Variants in PKD1L3 observed in about 807,000 individuals in gnomAD.
PKD1L3 encodes the protein polycystin 1 like 3, transient receptor potential channel interacting.
In PKD1L3, 239 loss-of-function variants were observed where a neutral mutation model predicts 184.1. The ratio of observed to expected loss-of-function variants is 1.30; its 90% CI spans 1.17 to 1.45. The LOEUF is 1.45. Ranked by LOEUF, PKD1L3 falls within the 40% of genes most tolerant of loss-of-function variation. The pLI, the probability that PKD1L3 is intolerant of heterozygous loss-of-function variation, is 0.00. For synonymous variants in PKD1L3, 996 were observed against 778.8 expected, an observed-to-expected ratio of 1.28 and a Z score of -4.64; for missense variants, 2,660 against 2,067.2, an observed-to-expected ratio of 1.29 and a Z score of -5.56.
Position 71,967,136 on chromosome 16 carries a change from C to T in PKD1L3, c.2465+1G>A. On this transcript the variant is annotated splice_donor_variant, in intron 15 of 29. Coordinates refer to ENST00000620267, the MANE Select transcript of PKD1L3 (RefSeq NM_181536.2). LOFTEE classifies it high-confidence loss of function. ...ACAGCCAACAGGATATAAGTACTCACCAGGAGGGACTGACGCCAGAATTGT... is the reference window on the plus strand; with the variant it reads ...ACAGCCAACAGGATATAAGTACTCATCAGGAGGGACTGACGCCAGAATTGT... 1 of 1,551,378 alleles carries T rather than the reference C, an allele frequency of 6.4e-7. No homozygotes were observed. The highest frequency in any genetic ancestry group is 8.7e-7 in the Non-Finnish European group (1 of 1,146,742).
chr16:71,938,144 C>A (rs2038242234), intron 24 of PKD1L3, among the ~76,000 whole-genome samples: 1 of 152,136 alleles, frequency 6.6e-6, no homozygotes, highest in African/African-American at 2.4e-5. Flanking sequence ...GCTCAGGAAA[C>A]CCCCCTGCCC....
chr16:71,957,733 G>C (rs2039102018), intron 16 of PKD1L3, among the ~76,000 whole-genome samples: 1 of 152,176 alleles, frequency 6.6e-6, no homozygotes, highest in Middle Eastern at 3.2e-3. Context: ...GGAGGTTGCA[G>C]TGAGCCAAGA....
rs113537540 is a variant in PKD1L3 at position 71,984,124 on chromosome 16, C to T, written c.878G>A (p.Gly293Asp). ...IAGNFSRAVH[G>D]LQALNKLQEA... is the part of the protein sequence containing the mutation. The stretch of plus-strand genomic sequence containing the variant: ...CTGTAGTTTGTTAAGAGCTTGCAAA[C>T]CATGAACTGCTCTGCTGAAGTTCCC... Residue 293 changes from glycine (G) to aspartate (D), a missense_variant, in exon 6 of 30, where the codon GGT becomes GAT. Physicochemically the swap from Gly to Asp is moderately conservative, Grantham distance 94 (BLOSUM62 -1). Coordinates refer to ENST00000620267, the MANE Select transcript of PKD1L3 (RefSeq NM_181536.2). 344 of 1,551,964 alleles carry T rather than the reference C, an allele frequency of 2.2e-4. 7 individuals carry two copies. The African/African-American group carries it at 2.4e-3, about 11-fold the overall frequency.
intron 19 of PKD1L3, among the ~76,000 whole-genome samples, chr16:71,951,075 T>C (rs1161080405): frequency 6.7e-6 from 1 of 150,078 alleles, no homozygotes; most frequent in Non-Finnish European, 1.5e-5. Flanking sequence ...ACAGAGCCTA[T>C]GTTGCCCAAG....
intron 24 of PKD1L3, among the ~76,000 whole-genome samples, chr16:71,938,227 CAA>C (rs1242855861): frequency 1.3e-5 from 2 of 152,246 alleles, no homozygotes; most frequent in South Asian, 2.1e-4. Flanking sequence ...GATTTTGGAG[CAA>C]AGTTTTGGCC....
At chr16:71,963,738 G>C (rs1460146506) in intron 15 of PKD1L3, among the ~76,000 whole-genome samples, 1 of 152,056 alleles carries the variant, frequency 6.6e-6, no homozygotes, top group East Asian at 1.9e-4. Flanking sequence ...AGTTGAAATT[G>C]CACCACTGCA....
intron 18 of PKD1L3, among the ~76,000 whole-genome samples, 176 bp from the exon 19 acceptor site, chr16:71,951,920 G>A (rs1193570241): frequency 6.6e-6 from 1 of 152,114 alleles, no homozygotes; most frequent in African/African-American, 2.4e-5. Context: ...ACAGCTCATG[G>A]TAGCTGCAAT....
At chr16:71,976,264 C>CT (rs71153688) in intron 11 of PKD1L3, among the ~76,000 whole-genome samples, 1,495 of 81,788 alleles carry the variant, frequency 0.018, 116 homozygotes, top group Admixed American at 0.11. Context: ...CCCAGCCTGT[C>CT]TTTTTTTTTT....
intron 24 of PKD1L3, among the ~76,000 whole-genome samples, chr16:71,941,104 C>T (rs2038344115): frequency 6.6e-6 from 1 of 152,096 alleles, no homozygotes; most frequent in African/African-American, 2.4e-5. Flanking sequence ...TCCCAAAGTG[C>T]TGGGATTATA....
Position 71,973,328 on chromosome 16 carries a change from C to G in PKD1L3, c.1949G>C (p.Cys650Ser), listed in dbSNP as rs1312965039. The G allele has an allele frequency of 1.3e-6, 2 of 1,551,484 alleles. No individual in the cohort carries two copies. The highest frequency in any genetic ancestry group is 1.7e-6 in the Non-Finnish European group (2 of 1,146,940). ...IHNQTWSSAG[C>S]QVGPQSTILR... ...AGAAGCGGCTCAGTTTCTTACTTGGCATCCGGCGCTGCTCCATGTCTGGTT... is the reference window on the plus strand; with the variant it reads ...AGAAGCGGCTCAGTTTCTTACTTGGGATCCGGCGCTGCTCCATGTCTGGTT... The change falls in exon 12 of 30, where the codon TGC becomes TCC. Residue 650 changes from cysteine (C) to serine (S), a missense_variant. By Grantham distance (112) the Cys-to-Ser change is moderately radical. Coordinates refer to ENST00000620267, the MANE Select transcript of PKD1L3 (RefSeq NM_181536.2).
chr16:71,990,497 C>T (rs890600524), intron 3 of PKD1L3, among the ~76,000 whole-genome samples, 168 bp from the exon 4 acceptor site: 6 of 152,194 alleles, frequency 3.9e-5, no homozygotes, highest in African/African-American at 1.4e-4. Context: ...CTTTGGGAGG[C>T]TGAGGCAGGC....
chr16:71,986,386 T>A lies in PKD1L3; in HGVS notation c.669A>T (p.Glu223Asp). 6.4e-7 allele frequency: 1 copy of A among 1,551,746 alleles called. No homozygotes were observed. The highest frequency in any genetic ancestry group is 8.7e-7 in the Non-Finnish European group (1 of 1,146,978). ...ITSQVTSAASEPSSQPLPVIT... is the reference protein window; with the variant it reads ...ITSQVTSAASDPSSQPLPVIT... ...TCACAGGGAGAGGCTGGCTGCTGGG[T>A]TCAGATGCGGCTGATGTTACCTGTG... The change falls in exon 5 of 30, where the codon GAA (glutamate) becomes GAT (aspartate). Residue 223 changes from glutamate to aspartate, a missense_variant. Physicochemically the swap from Glu to Asp is conservative, Grantham distance 45. Transcript: ENST00000620267.
chr16:71,978,471 A>G (rs2040013193), intron 9 of PKD1L3, 88 bp from the exon 10 acceptor site: 5 of 459,518 alleles, frequency 1.1e-5, no homozygotes, highest in Non-Finnish European at 1.7e-5. Flanking sequence ...ATACATATGT[A>G]TATATGTGTG....
In PKD1L3 at chr16:71,977,570, T is replaced by C. The variant is rs1485271325; in HGVS notation, c.1528-103A>G. The stretch of plus-strand genomic sequence containing the variant: ...GGAAACGTCCTAGCTCTTTTTTTTT[T>C]TTTTTTTTTTGAGATGGGGTCTTGC... On this transcript the variant is annotated intron_variant, in intron 10 of 29. Transcript: ENST00000620267. 5.2e-6 allele frequency: 5 copies of C among 953,326 alleles called. 1 individual carries two copies. The African/African-American group carries it at 6.7e-5, about 13-fold the overall frequency. The allele number at this position is 953,326 out of a possible 1,614,324, so 59.1% of individuals were successfully genotyped here. A position where few individuals can be genotyped will look rare whatever the true frequency, so the allele number is the denominator to read the frequency against.
chr16:71,939,981 C>T (rs1392747884), intron 24 of PKD1L3, among the ~76,000 whole-genome samples: 1 of 152,144 alleles, frequency 6.6e-6, no homozygotes, highest in African/African-American at 2.4e-5. Context: ...AAGCTGAAAT[C>T]TAAGGCAGCT....
At chr16:71,993,900 G>A (rs939763815) in intron 2 of PKD1L3, among the ~76,000 whole-genome samples, 2 of 152,008 alleles carry the variant, frequency 1.3e-5, no homozygotes, top group African/African-American at 4.8e-5. Context: ...TCAGCCTCCC[G>A]AGTAGCTGGG....
Position 71,947,546 on chromosome 16 carries a change from G to T in PKD1L3, c.3664C>A (p.Pro1222Thr). The change falls in exon 22 of 30, where the codon CCA (proline) becomes ACA (threonine). Residue 1222 changes from proline (P) to threonine (T), a missense_variant. By Grantham distance (38) the Pro-to-Thr change is conservative. Coordinates refer to ENST00000620267, the MANE Select transcript of PKD1L3 (RefSeq NM_181536.2). ...FLYSLMMSRM[P>T]RLNKENEQQT... is the part of the protein sequence containing the mutation. ...TGTTCATTCTCTTTGTTAAGCCGTG[G>T]CATCCTGCTCATCATCAGTGAGTAT... The T allele has an allele frequency of 1.9e-6, 3 of 1,547,990 alleles. No homozygotes were observed. The highest frequency in any genetic ancestry group is 1.7e-6 in the Non-Finnish European group (2 of 1,143,864).
At position 71,942,853 on chromosome 16, in the gene PKD1L3, T is replaced by C; in HGVS notation, c.4031A>G (p.Tyr1344Cys). Residue 1344 changes from tyrosine (Y) to cysteine (C), a missense_variant, in exon 24 of 30, where the codon TAT (tyrosine) becomes TGT (cysteine). Coordinates refer to ENST00000620267, the MANE Select transcript of PKD1L3 (RefSeq NM_181536.2). Reference sequence around the variant, plus strand: ...TGCATTCTTACCTCTGTAATCCCCATACAGGCTAGGAAGAAGGATATGATT... The same window carrying C: ...TGCATTCTTACCTCTGTAATCCCCACACAGGCTAGGAAGAAGGATATGATT... ...WANHILLPSLYGDYRGKNAVL... is the reference protein window; with the variant it reads ...WANHILLPSLCGDYRGKNAVL... The C allele has an allele frequency of 6.4e-7, 1 of 1,551,626 alleles. No individual in the cohort carries two copies. Among genetic ancestry groups the C allele is most frequent in the Non-Finnish European group, 8.7e-7 (1 of 1,146,966 alleles).
In PKD1L3 at chr16:71,970,039, C is replaced by T. The variant is rs751945480; in HGVS notation, c.2020G>A (p.Asp674Asn). ...LCNHLTFFASDFFVVPRTVNV... is the reference protein window; with the variant it reads ...LCNHLTFFASNFFVVPRTVNV... ...ACGGTCCTGGGCACGACAAAGAAGT[C>T]GCTGGCAAAGAAGGTCAGGTGGTTA... is the stretch of plus-strand genomic sequence containing the variant. The change falls in exon 13 of 30, where the codon GAC (aspartate) becomes AAC (asparagine). Residue 674 changes from aspartate (D) to asparagine (N), a missense_variant. By Grantham distance (23) the Asp-to-Asn change is conservative. Coordinates refer to ENST00000620267, the MANE Select transcript of PKD1L3 (RefSeq NM_181536.2). The T allele has an allele frequency of 2.9e-5, 45 of 1,551,530 alleles. No homozygotes were observed. The highest frequency in any genetic ancestry group is 5.5e-5 in the African/African-American group (4 of 73,022).
Sources: allele counts gnomAD v4.1 joint callset (sites outside exome capture counted in the v4.1 genomes callset), GRCh38; gene constraint gnomAD v4.1.1; transcripts MANE v1.5; gene names NCBI Gene and HGNC (gene_info 2026-07-23, HGNC 2026-07-21).